Variants in ROBO2 observed in about 807,000 individuals in gnomAD.
The protein encoded by ROBO2 is roundabout homolog 2.
A neutral mutation model predicts 160.8 loss-of-function variants in ROBO2; 53 were observed. The ratio of observed to expected loss-of-function variants is 0.33; its 90% CI spans 0.26 to 0.41. The LOEUF (loss-of-function observed/expected upper bound fraction) is 0.41, where lower values mean the gene tolerates loss of function less well. Ranked by LOEUF, ROBO2 falls within the 10% of genes least tolerant of loss-of-function variation. The pLI is 1.00. For missense variants in ROBO2, 1,577 were observed against 1,722.4 expected (o/e 0.92, Z 1.49); for synonymous variants, 664 against 611.7 (o/e 1.09, Z -1.26).
At chr3:75,996,528 A>G (rs527871371) in intron 2 of ROBO2, among the ~76,000 whole-genome samples, 1 of 152,310 alleles carries the variant, frequency 6.6e-6, no homozygotes, top group African/African-American at 2.4e-5. Flanking sequence ...GTGAGAATTA[A>G]CTAATAATAG....
intron 2 of ROBO2, among the ~76,000 whole-genome samples, chr3:76,051,346 A>G (rs1237669245): frequency 2.6e-5 from 4 of 152,188 alleles, no homozygotes; most frequent in African/African-American, 9.6e-5. Context: ...AATTTAGCTG[A>G]TGAAATACTT....
At chr3:76,957,201 T>C (rs2079333951) in intron 2 of ROBO2, among the ~76,000 whole-genome samples, 1 of 152,112 alleles carries the variant, frequency 6.6e-6, no homozygotes, top group Non-Finnish European at 1.5e-5. Context: ...CTGAATCGTT[T>C]ATCTGTACTG....
In ROBO2 at chr3:76,981,590, T is replaced by C. The variant is rs775051572; in HGVS notation, c.110-116424T>C. ...TATCAGATTTGCAATAACTTTCTAA[T>C]ATTCTGTGGGTTTTATTTTTACTCT... On this transcript the variant is annotated intron_variant, in intron 2 of 26. Transcript: ENST00000487694. 5.3e-5 allele frequency among the ~76,000 whole-genome samples: 8 copies of C among 152,188 alleles called. No homozygotes were observed. The South Asian group carries it at 1.2e-3, about 24-fold the overall frequency.
At chr3:77,316,930 T>C in intron 2 of ROBO2, 4 of 1,249,524 alleles carry the variant, frequency 3.2e-6, no homozygotes, top group Non-Finnish European at 4.7e-6. Context: ...GTCAGTCTGA[T>C]ACTTGGCTGC....
chr3:76,196,777 A>C (rs1448973728), intron 2 of ROBO2, among the ~76,000 whole-genome samples: 1 of 152,180 alleles, frequency 6.6e-6, no homozygotes, highest in African/African-American at 2.4e-5. Flanking sequence ...CTCTTTTCCC[A>C]AGGCTCATAA....
At chr3:77,167,189 A>G (rs573949804) in intron 2 of ROBO2, among the ~76,000 whole-genome samples, 33 of 152,210 alleles carry the variant, frequency 2.2e-4, no homozygotes, top group African/African-American at 7.2e-4. Context: ...TGTGTTATTT[A>G]TTTAAACATT....
chr3:77,231,408 A>G (rs958594230), intron 2 of ROBO2, among the ~76,000 whole-genome samples: 6 of 151,446 alleles, frequency 4.0e-5, no homozygotes, highest in African/African-American at 1.5e-4. Context: ...AAAGACACTA[A>G]GCTAAAATAA....
chr3:77,380,028 C>T (rs567382008), intron 2 of ROBO2, among the ~76,000 whole-genome samples: 2 of 152,266 alleles, frequency 1.3e-5, no homozygotes, highest in African/African-American at 4.8e-5. Context: ...GAGGACTTAA[C>T]GGATAGTCAC....
chr3:77,093,556 C>T (rs6771506), intron 1 of ROBO2, among the ~76,000 whole-genome samples: 62,662 of 151,912 alleles, frequency 0.41, 15,333 homozygotes, highest in African/African-American at 0.67. Context: ...CTGCCTCCCC[C>T]TTAACAATAA....
chr3:75,993,843 C>G (rs912267609), intron 2 of ROBO2, among the ~76,000 whole-genome samples: 3 of 152,176 alleles, frequency 2.0e-5, no homozygotes, highest in Admixed American at 2.0e-4. Flanking sequence ...ACCAGCTATT[C>G]TCTTTCTCAT....
At chr3:77,478,705 T>A (rs961075779) in intron 3 of ROBO2, among the ~76,000 whole-genome samples, 4 of 152,196 alleles carry the variant, frequency 2.6e-5, no homozygotes, top group African/African-American at 9.7e-5. Context: ...TGTGCCATTT[T>A]AATAAAAAAA....
exon 1 of ROBO2, chr3:77,040,294 G>C: frequency 3.0e-6 from 3 of 993,774 alleles, no homozygotes; most frequent in Non-Finnish European, 3.6e-6. Flanking sequence ...AAATAACTCC[G>C]GACGTGGAGC....
intron 2 of ROBO2, among the ~76,000 whole-genome samples, chr3:75,959,677 T>G (rs7622014): frequency 0.16 from 24,428 of 151,652 alleles, 2,155 homozygotes; most frequent in African/African-American, 0.22. Flanking sequence ...AAATTAAGTT[T>G]AGTAGAAAGC....
At chr3:76,613,008 T>G (rs190924342) in intron 2 of ROBO2, among the ~76,000 whole-genome samples, 1 of 152,184 alleles carries the variant, frequency 6.6e-6, no homozygotes, top group South Asian at 2.1e-4. Flanking sequence ...AACAGATGAT[T>G]CGGTCTTGTT....
chr3:76,614,774 G>A (rs2088433247), intron 2 of ROBO2, among the ~76,000 whole-genome samples: 1 of 152,054 alleles, frequency 6.6e-6, no homozygotes, highest in Non-Finnish European at 1.5e-5. Flanking sequence ...TGAATTTCAG[G>A]ACCCCATTTA....
rs890237369 is a variant in ROBO2, at chr3:76,823,231, A to G, written c.110-274783A>G. ...ATTCCTTGCTTTCTGGTATGACAAC[A>G]AGATCAAGCCTCATTTTCTGAATTT... On this transcript the variant is annotated intron_variant, in intron 2 of 26. Coordinates refer to the ROBO2 transcript ENST00000487694. Among the ~76,000 whole-genome samples the G allele has an allele frequency of 5.9e-5, 9 of 152,254 alleles. No homozygotes were observed. In the South Asian group the frequency reaches 1.0e-3, roughly 18 times the overall value.
chr3:77,352,856 C>A (rs2068543255), intron 2 of ROBO2, among the ~76,000 whole-genome samples: 1 of 152,096 alleles, frequency 6.6e-6, no homozygotes, highest in Non-Finnish European at 1.5e-5. Flanking sequence ...CTAGAGAGAG[C>A]ATTCAGGAAA....
intron 2 of ROBO2, among the ~76,000 whole-genome samples, chr3:76,939,573 G>T (rs966413134): frequency 2.6e-5 from 4 of 152,114 alleles, no homozygotes; most frequent in Non-Finnish European, 5.9e-5. Context: ...GGGGTCAGAA[G>T]TTCGAGACCA....
chr3:76,090,095 T>C (rs554707175), intron 2 of ROBO2, among the ~76,000 whole-genome samples: 12 of 152,170 alleles, frequency 7.9e-5, no homozygotes, highest in African/African-American at 2.9e-4. Flanking sequence ...CAAAATGATA[T>C]ACTTAGGTAT....
Sources: allele counts gnomAD v4.1 joint callset (sites outside exome capture counted in the v4.1 genomes callset), GRCh38; gene constraint gnomAD v4.1.1; transcripts MANE v1.5; gene names NCBI Gene and HGNC (gene_info 2026-07-23, HGNC 2026-07-21).